Variants in PHACTR2 observed in about 807,000 individuals in gnomAD.
PHACTR2 encodes chromosome 6 open reading frame 56.
PHACTR2 carries 30 observed loss-of-function variants against 76.0 expected under a neutral mutation model. The observed-to-expected ratio is 0.39, with a 90% CI of 0.30 to 0.54. PHACTR2 has a LOEUF of 0.54. Ranked by LOEUF, PHACTR2 falls within the 20% of genes least tolerant of loss-of-function variation. The probability of loss-of-function intolerance (pLI) is 0.61; values close to 1 mark genes in which losing one functional copy is unlikely to be tolerated. For missense variants in PHACTR2, 696 were observed against 781.1 expected (o/e 0.89, Z 1.30); for synonymous variants, 292 against 292.5 (o/e 1.00, Z 0.02).
intron 1 of PHACTR2, among the ~76,000 whole-genome samples, chr6:143,665,998 T>A (rs559811646): frequency 6.6e-6 from 1 of 152,240 alleles, no homozygotes; most frequent in Non-Finnish European, 1.5e-5. Flanking sequence ...CATTAGGTAT[T>A]TATCCTAATG....
At chr6:143,771,375 C>T (rs937361083) in intron 6 of PHACTR2, among the ~76,000 whole-genome samples, 5 of 147,366 alleles carry the variant, frequency 3.4e-5, no homozygotes, top group East Asian at 2.0e-4. Flanking sequence ...TACAGGCAAG[C>T]GCCACCATGC....
Position 143,671,135 on chromosome 6 carries a change from G to C in PHACTR2, c.14-40881G>C, listed in dbSNP as rs1382500102. 1.3e-5 allele frequency among the ~76,000 whole-genome samples: 2 copies of C among 152,010 alleles called. No individual in the cohort carries two copies. Among genetic ancestry groups the C allele is most frequent in the Admixed American group, 1.3e-4 (2 of 15,254 alleles). ...AGTAGAGATGGGGTTCCACCACGTT[G>C]GTCAGGCTGGTCTTGAACTCCTGAC... On this transcript the variant is annotated intron_variant, in intron 1 of 11. Coordinates refer to the PHACTR2 transcript ENST00000305766. The surrounding 1 kb of genome is among the most constrained non-coding windows in gnomAD (Gnocchi z 4.6).
chr6:143,621,666 T>C lies in PHACTR2; in HGVS notation c.13+13344T>C, dbSNP rs944481387. ...TGGCTGAGCCTGTTCTACCTGCTGG[T>C]ATGGGGCCTTGGGCATATCCATGAG... On this transcript the variant is annotated intron_variant, in intron 1 of 11. Transcript: ENST00000305766. The surrounding 1 kb of genome is among the most constrained non-coding windows in gnomAD (Gnocchi z 4.1). Among the ~76,000 whole-genome samples, 3 of 152,246 alleles carry C rather than the reference T, an allele frequency of 2.0e-5. No individual in the cohort carries two copies. Among genetic ancestry groups the C allele is most frequent in the African/African-American group, 7.2e-5 (3 of 41,470 alleles).
At chr6:143,691,828 G>T (rs1158898394) in intron 1 of PHACTR2, among the ~76,000 whole-genome samples, 2 of 152,216 alleles carry the variant, frequency 1.3e-5, no homozygotes, top group Admixed American at 1.3e-4. Context: ...AAAGGAGGCT[G>T]AGCCCTTTTC....
At position 143,556,790 on chromosome 6, in the gene PHACTR2, C is replaced by G. The variant is rs1167404690; in HGVS notation, c.217+19583C>G. Among the ~76,000 whole-genome samples the G allele has an allele frequency of 6.6e-6, 1 of 152,208 alleles. No homozygotes were observed. Among genetic ancestry groups the G allele is most frequent in the Non-Finnish European group, 1.5e-5 (1 of 68,036 alleles). Reference sequence around the variant, plus strand: ...TTCAGACTCAACGCACTGGCCACACCATGGGGTCCAATTGCTGCCATTTAG... The same window carrying G: ...TTCAGACTCAACGCACTGGCCACACGATGGGGTCCAATTGCTGCCATTTAG... On this transcript the variant is annotated intron_variant, in intron 1 of 11. Coordinates refer to the PHACTR2 transcript ENST00000367584. This position sits in a 1 kb window ranked among gnomAD's most constrained non-coding sequence, Gnocchi z 4.3.
upstream of PHACTR2, among the ~76,000 whole-genome samples, chr6:143,673,794 G>A (rs1280708781): frequency 3.3e-5 from 5 of 151,592 alleles, no homozygotes; most frequent in African/African-American, 4.9e-5. Context: ...GCAAGCACAC[G>A]TGAGCCACAC....
Position 143,710,919 on chromosome 6 carries a change from G to A in PHACTR2, c.47-1097G>A. The A allele has an allele frequency of 2.4e-6, 1 of 419,998 alleles. No homozygotes were observed. The highest frequency in any genetic ancestry group is 4.6e-6 in the Non-Finnish European group (1 of 218,966). 26.0% of individuals were successfully genotyped at this position (419,998 alleles called of 1,614,324 possible). On this transcript the variant is annotated intron_variant, in intron 1 of 12. Coordinates refer to ENST00000440869, the MANE Select transcript of PHACTR2 (RefSeq NM_001100164.2). The surrounding 1 kb of genome is among the most constrained non-coding windows in gnomAD (Gnocchi z 4.9). ...TACTTTATTGCACTTTTATCCATCT[G>A]CCTTTTCCATCTATCTATCCAGTTA...
chr6:143,725,431 A>C (rs1778543080), intron 2 of PHACTR2, among the ~76,000 whole-genome samples: 1 of 149,370 alleles, frequency 6.7e-6, no homozygotes, highest in South Asian at 2.1e-4. Flanking sequence ...CGATCTCCTG[A>C]CCTCGTGATC....
At chr6:143,718,396 G>C (rs1217361110) in intron 2 of PHACTR2, among the ~76,000 whole-genome samples, 5 of 152,178 alleles carry the variant, frequency 3.3e-5, no homozygotes, top group African/African-American at 1.2e-4. Context: ...AACACACCTG[G>C]CAGTAGGCAA....
chr6:143,739,107 G>A lies in PHACTR2; in HGVS notation c.215-9878G>A, dbSNP rs756483893. Among the ~76,000 whole-genome samples, 1 of 151,796 alleles carries A rather than the reference G, an allele frequency of 6.6e-6. No homozygotes were observed. Among genetic ancestry groups the A allele is most frequent in the Non-Finnish European group, 1.5e-5 (1 of 67,932 alleles). On this transcript the variant is annotated intron_variant, in intron 2 of 12. Transcript: ENST00000440869. The surrounding 1 kb of genome is among the most constrained non-coding windows in gnomAD (Gnocchi z 4.3). ...TTGAGACGGAGTCTCTCTCTGTCCC[G>A]AGGCTGGAGTGCAGTGGCACGGTTT... is the stretch of plus-strand genomic sequence containing the variant.
chr6:143,804,116 T>C (rs187169494), intron 11 of PHACTR2, among the ~76,000 whole-genome samples: 183 of 152,324 alleles, frequency 1.2e-3, no homozygotes, highest in Non-Finnish European at 2.4e-3. Context: ...TTCTGAGTTA[T>C]GAATTTGGGA....
intron 1 of PHACTR2, among the ~76,000 whole-genome samples, chr6:143,538,201 C>T (rs1242834174): frequency 6.6e-6 from 1 of 152,214 alleles, no homozygotes; most frequent in Non-Finnish European, 1.5e-5. Flanking sequence ...TGCACCGGGA[C>T]CGACGAAATC....
In PHACTR2 at chr6:143,677,965, A is replaced by G; in HGVS notation, c.-199A>G. ...TAATCTGCATAGAGGAATGACAGGC[A>G]TCCGCTGGGCAGGATCCGCCGCGCC... On this transcript the variant is annotated 5_prime_UTR_variant, in exon 1 of 13. Transcript: ENST00000440869. 1.6e-6 allele frequency: 2 copies of G among 1,271,242 alleles called. No individual in the cohort carries two copies. The highest frequency in any genetic ancestry group is 2.0e-6 in the Non-Finnish European group (2 of 991,918). The allele number at this position is 1,271,242 out of a possible 1,614,324, so 78.7% of individuals were successfully genotyped here.
At chr6:143,726,311 T>C (rs964974686) in intron 2 of PHACTR2, among the ~76,000 whole-genome samples, 3 of 152,234 alleles carry the variant, frequency 2.0e-5, no homozygotes, top group African/African-American at 7.2e-5. Flanking sequence ...AAATTCACTA[T>C]CTTAACCATT....
intron 12 of PHACTR2, among the ~76,000 whole-genome samples, chr6:143,817,667 A>G (rs577704454): frequency 6.6e-6 from 1 of 152,270 alleles, no homozygotes; most frequent in Non-Finnish European, 1.5e-5. Context: ...AATACTACTC[A>G]GCCACAAGAA....
chr6:143,620,490 C>CA (rs1459248110), intron 1 of PHACTR2, among the ~76,000 whole-genome samples: 5 of 150,704 alleles, frequency 3.3e-5, no homozygotes, highest in Admixed American at 2.0e-4. Flanking sequence ...CTCTCATCTT[C>CA]AAAAATGCTT....
Position 143,539,327 on chromosome 6 carries a change from C to A in PHACTR2, c.217+2120C>A, listed in dbSNP as rs1233022017. Among the ~76,000 whole-genome samples, 1 of 152,200 alleles carries A rather than the reference C, an allele frequency of 6.6e-6. No individual in the cohort carries two copies. The highest frequency in any genetic ancestry group is 1.5e-5 in the Non-Finnish European group (1 of 68,042). ...TAGAAGAGTGAACATCTTTCATGTACCTGATTTCATTTTCAGAACTGAGCC... is the reference window on the plus strand; with the variant it reads ...TAGAAGAGTGAACATCTTTCATGTAACTGATTTCATTTTCAGAACTGAGCC... On this transcript the variant is annotated intron_variant, in intron 1 of 11. Coordinates refer to the PHACTR2 transcript ENST00000367584. This position sits in a 1 kb window ranked among gnomAD's most constrained non-coding sequence, Gnocchi z 4.3.
intron 1 of PHACTR2, among the ~76,000 whole-genome samples, chr6:143,640,224 C>T (rs776608046): frequency 4.6e-5 from 7 of 152,140 alleles, no homozygotes; most frequent in Admixed American, 6.6e-5. Context: ...TCTATGTTAC[C>T]GGTTTGTGGA....
chr6:143,609,216 T>C lies in PHACTR2; in HGVS notation c.13+894T>C, dbSNP rs79501752. 6.4e-3 allele frequency among the ~76,000 whole-genome samples: 969 copies of C among 152,300 alleles called. 21 individuals are homozygous for C. In the East Asian group the frequency reaches 0.091, roughly 14 times the overall value. On this transcript the variant is annotated intron_variant, in intron 1 of 11. Coordinates refer to the PHACTR2 transcript ENST00000305766. ...ACATTCTACACTACAAGACCACCCA[T>C]TGATGGTGAAACATATTTGTTTATG...
Sources: gnomAD v4.1 joint callset for allele counts (sites outside exome capture counted in the v4.1 genomes callset) on GRCh38, gnomAD v4.1.1 for gene constraint, Gnocchi (gnomAD v3.1) non-coding constraint, MANE v1.5 for transcripts, NCBI Gene and HGNC (gene_info 2026-07-23, HGNC 2026-07-21) for gene names.